Variants in FAM117B observed in about 807,000 individuals in gnomAD.
The protein encoded by FAM117B is protein FAM117B.
FAM117B carries 22 observed loss-of-function variants against 52.8 expected under a neutral mutation model. That is an observed-to-expected ratio of 0.42 (90% CI 0.30 to 0.59). The LOEUF (loss-of-function observed/expected upper bound fraction) is 0.59. Ranked by LOEUF, FAM117B falls within the 20% of genes least tolerant of loss-of-function variation. The probability of loss-of-function intolerance (pLI) is 0.22; values close to 1 mark genes in which losing one functional copy is unlikely to be tolerated. For missense variants in FAM117B, 678 were observed against 802.6 expected (o/e 0.84, Z 1.88); for synonymous variants, 309 against 324.1 (o/e 0.95, Z 0.50).
intron 2 of FAM117B, among the ~76,000 whole-genome samples, chr2:202,700,554 T>G (rs1464021154): frequency 6.6e-6 from 1 of 152,070 alleles, no homozygotes. Context: ...GTTCATGAGG[T>G]TTAATGAAAG....
chr2:202,727,854 A>T (rs1296194071), intron 4 of FAM117B, among the ~76,000 whole-genome samples: 1 of 152,164 alleles, frequency 6.6e-6, no homozygotes, highest in East Asian at 1.9e-4. Context: ...GTAGTGTCTG[A>T]TGTTTGTTAA....
At chr2:202,653,073 C>A (rs1246545460) in intron 1 of FAM117B, among the ~76,000 whole-genome samples, 1 of 152,080 alleles carries the variant, frequency 6.6e-6, no homozygotes, top group East Asian at 1.9e-4. Flanking sequence ...TCGAGACCAG[C>A]CTAGGCAACA....
chr2:202,756,873 G>A (rs1391346074), intron 5 of FAM117B, among the ~76,000 whole-genome samples: 1 of 152,042 alleles, frequency 6.6e-6, no homozygotes, highest in Non-Finnish European at 1.5e-5. Context: ...CTCTAATGTG[G>A]AACCTAGTGT....
chr2:202,725,299 C>CT (rs11432596), intron 3 of FAM117B: 110,389 of 148,722 alleles, frequency 0.74, 41,065 homozygotes, highest in Non-Finnish European at 0.77. Flanking sequence ...CACATTTATT[C>CT]TTTTTTTTTT....
At chr2:202,648,221 A>G (rs1211430990) in intron 1 of FAM117B, among the ~76,000 whole-genome samples, 3 of 152,152 alleles carry the variant, frequency 2.0e-5, no homozygotes, top group East Asian at 1.9e-4. Flanking sequence ...AGATATATGC[A>G]TATGTCAGCT....
intron 1 of FAM117B, among the ~76,000 whole-genome samples, chr2:202,666,272 G>A (rs1312845195): frequency 7.9e-5 from 12 of 151,438 alleles, no homozygotes; most frequent in African/African-American, 2.9e-4. Flanking sequence ...AAATAAACAT[G>A]AAAATTGAAA....
intron 7 of FAM117B, among the ~76,000 whole-genome samples, chr2:202,764,024 G>A (rs1331074286): frequency 6.6e-6 from 1 of 152,124 alleles, no homozygotes; most frequent in African/African-American, 2.4e-5. Context: ...CCTCTTCTGT[G>A]CTGTGGACAG....
chr2:202,646,433 G>GT (rs1012498565), intron 1 of FAM117B, among the ~76,000 whole-genome samples: 15 of 152,208 alleles, frequency 9.9e-5, no homozygotes, highest in Admixed American at 5.2e-4. Context: ...CCAAAAGTAG[G>GT]TTTTTTTTCT....
chr2:202,739,113 C>T (rs1474776616), intron 4 of FAM117B, among the ~76,000 whole-genome samples: 1 of 152,144 alleles, frequency 6.6e-6, no homozygotes, highest in Non-Finnish European at 1.5e-5. Context: ...TGCTTGAACC[C>T]AGGAGGTGGA....
intron 2 of FAM117B, among the ~76,000 whole-genome samples, chr2:202,720,949 C>T (rs1404573938): frequency 6.6e-6 from 1 of 152,194 alleles, no homozygotes; most frequent in African/African-American, 2.4e-5. Context: ...CCCAAGCACA[C>T]AACCACATAC....
intron 2 of FAM117B, among the ~76,000 whole-genome samples, chr2:202,714,065 C>G (rs529626587): frequency 6.6e-6 from 1 of 152,134 alleles, no homozygotes; most frequent in South Asian, 2.1e-4. Context: ...CTTCATTGAC[C>G]CATTGGTCAT....
At chr2:202,688,242 AT>A (rs751738523) in intron 1 of FAM117B, among the ~76,000 whole-genome samples, 17 of 152,194 alleles carry the variant, frequency 1.1e-4, no homozygotes, top group Admixed American at 1.0e-3. Context: ...TTTCAAAAAA[AT>A]ATAGATAATA....
At chr2:202,685,244 C>A (rs1274278941) in intron 1 of FAM117B, among the ~76,000 whole-genome samples, 1 of 152,162 alleles carries the variant, frequency 6.6e-6, no homozygotes, top group African/African-American at 2.4e-5. Context: ...CTCTGCCTCC[C>A]AAAGTGCTAG....
At chr2:202,685,007 G>A (rs1008279807) in intron 1 of FAM117B, among the ~76,000 whole-genome samples, 6 of 151,738 alleles carry the variant, frequency 4.0e-5, no homozygotes, top group African/African-American at 1.2e-4. Context: ...TTTTTTGAGA[G>A]AGTCTTGCTC....
intron 1 of FAM117B, among the ~76,000 whole-genome samples, chr2:202,677,160 G>A (rs537390211): frequency 3.3e-5 from 5 of 151,304 alleles, no homozygotes; most frequent in South Asian, 2.1e-4. Context: ...CTCCGCCTCC[G>A]GGGTTTAAGT....
intron 2 of FAM117B, among the ~76,000 whole-genome samples, chr2:202,703,420 A>G (rs1399370542): frequency 6.6e-6 from 1 of 152,152 alleles, no homozygotes; most frequent in African/African-American, 2.4e-5. Flanking sequence ...TGGGATGATC[A>G]CAGGTCATTA....
At chr2:202,754,074 C>T (rs924307670) in intron 4 of FAM117B, among the ~76,000 whole-genome samples, 3 of 152,132 alleles carry the variant, frequency 2.0e-5, no homozygotes, top group Admixed American at 6.5e-5. Context: ...GACACATGCA[C>T]ATATGTGTTT....
At position 202,635,358 on chromosome 2, in the gene FAM117B, C is replaced by G. The variant is rs1689662301; in HGVS notation, c.171C>G (p.Ser57Arg). Residue 57 changes from serine to arginine, a missense_variant, in exon 1 of 8, where the codon AGC (serine) becomes AGG (arginine). Transcript: ENST00000392238. ...QQQQHGSPTR[S>R]GGGGGGNNNG... ...AGCAACATGGCAGCCCCACGCGGAG[C>G]GGCGGCGGCGGCGGCGGCAACAACA... The G allele has an allele frequency of 7.6e-7, 1 of 1,318,908 alleles. No homozygotes were observed. The highest frequency in any genetic ancestry group is 9.7e-7 in the Non-Finnish European group (1 of 1,030,766). The allele number at this position is 1,318,908 out of a possible 1,614,324, so 81.7% of individuals were successfully genotyped here.
intron 1 of FAM117B, among the ~76,000 whole-genome samples, chr2:202,637,327 G>C (rs938581927): frequency 2.6e-5 from 4 of 151,724 alleles, no homozygotes; most frequent in African/African-American, 7.3e-5. Context: ...ATGTGATCTC[G>C]GCTCACTGCA....
Sources: allele counts gnomAD v4.1 joint callset (sites outside exome capture counted in the v4.1 genomes callset), GRCh38; gene constraint gnomAD v4.1.1; transcripts MANE v1.5; gene names NCBI Gene and HGNC (gene_info 2026-07-23, HGNC 2026-07-21).